Variants in BABAM1 observed in about 807,000 individuals in gnomAD.
BABAM1 encodes the protein BRISC and BRCA1 A complex member 1, also known as BRISC and BRCA1-A complex member 1.
BABAM1 carries 14 observed loss-of-function variants against 34.4 expected under a neutral mutation model. The ratio of observed to expected loss-of-function variants is 0.41; its 90% CI spans 0.27 to 0.64. The LOEUF is 0.64. BABAM1 is among the 30% of genes least tolerant of loss of function. The pLI is 0.34. For synonymous variants in BABAM1, 169 were observed against 165.8 expected, an observed-to-expected ratio of 1.02 and a Z score of -0.15; for missense variants, 393 against 434.0, an observed-to-expected ratio of 0.91 and a Z score of 0.84.
intron 5 of BABAM1, among the ~76,000 whole-genome samples, chr19:17,275,295 TATA>T (rs965180705): frequency 7.6e-6 from 1 of 132,172 alleles, no homozygotes; most frequent in African/African-American, 2.5e-5. Flanking sequence ...TATTTATTAT[TATA>T]TTTTTTTTTG....
In BABAM1 at chr19:17,271,462, A is replaced by G. The variant is rs2073840049; in HGVS notation, c.286-135A>G. On this transcript the variant is annotated intron_variant, in intron 2 of 8. Transcript: ENST00000598188. ...ATTCTTCTAAGCCATTGCTTTTCAA[A>G]GTAGATGGCTTGGCTGAGGATTAGA... 5 of 903,270 alleles carry G rather than the reference A, an allele frequency of 5.5e-6. No individual in the cohort carries two copies. The Admixed American group carries it at 8.0e-5, about 14-fold the overall frequency. 56.0% of individuals were successfully genotyped at this position (903,270 alleles called of 1,614,324 possible).
At chr19:17,278,301 C>T (rs1401543312) in intron 8 of BABAM1, among the ~76,000 whole-genome samples, 2 of 151,702 alleles carry the variant, frequency 1.3e-5, no homozygotes. Flanking sequence ...TGTGTGCCTC[C>T]ACACTGGGGA....
At chr19:17,278,327 G>A (rs1264325266) in intron 8 of BABAM1, among the ~76,000 whole-genome samples, 1 of 140,018 alleles carries the variant, frequency 7.1e-6, no homozygotes, top group South Asian at 2.2e-4. Flanking sequence ...TTTTTTTTTT[G>A]AGGCGGAGTC....
At chr19:17,272,999 C>T (rs1018308343) in intron 3 of BABAM1, among the ~76,000 whole-genome samples, 1 of 152,010 alleles carries the variant, frequency 6.6e-6, no homozygotes, top group Non-Finnish European at 1.5e-5. Context: ...GCCTGGGCAA[C>T]AAGAACGAAA....
intron 8 of BABAM1, 147 bp from the exon 9 acceptor site, chr19:17,278,698 A>G: frequency 1.4e-6 from 1 of 718,910 alleles, no homozygotes; most frequent in Non-Finnish European, 2.3e-6. Context: ...TGAATGTGTG[A>G]ATGGTTTCTG....
intron 1 of BABAM1, among the ~76,000 whole-genome samples, chr19:17,267,837 G>T (rs566541691): frequency 1.3e-5 from 2 of 152,310 alleles, no homozygotes; most frequent in South Asian, 2.1e-4. Flanking sequence ...GCAGACACCC[G>T]CTAGGGACGA....
rs529889239 is a variant in BABAM1, at chr19:17,279,127, G to A, written c.*79G>A. 691 of 1,457,908 alleles carry A rather than the reference G, an allele frequency of 4.7e-4. 3 individuals are homozygous for A. Among genetic ancestry groups the A allele is most frequent in the Middle Eastern group, 4.1e-3 (23 of 5,664 alleles). The allele number at this position is 1,457,908 out of a possible 1,614,324, so 90.3% of individuals were successfully genotyped here. A position where few individuals can be genotyped will look rare whatever the true frequency, so the allele number is the denominator to read the frequency against. ...CTTGGTTCTCAAACTGGGTTCCTTG[G>A]GACCTCCGGGGTGGGGGGGTTCCAG... On this transcript the variant is annotated 3_prime_UTR_variant, in exon 9 of 9. Transcript: ENST00000598188.
chr19:17,269,272 C>T (rs1180616361), intron 2 of BABAM1, among the ~76,000 whole-genome samples, 181 bp downstream of exon 2: 2 of 151,826 alleles, frequency 1.3e-5, no homozygotes, highest in African/African-American at 4.8e-5. Context: ...GGCCAGAAGT[C>T]AGGTGTCGCC....
chr19:17,277,057 C>T (rs988168276), intron 8 of BABAM1, 148 bp downstream of exon 8: 14 of 726,286 alleles, frequency 1.9e-5, no homozygotes, highest in African/African-American at 1.6e-4. Flanking sequence ...ATTGAACAGC[C>T]GTTTCCCAGT....
At chr19:17,278,598 C>T (rs543962135) in intron 8 of BABAM1, among the ~76,000 whole-genome samples, 5 of 152,286 alleles carry the variant, frequency 3.3e-5, no homozygotes, top group South Asian at 2.1e-4. Flanking sequence ...CGTGAGCCAC[C>T]GCGCCCGGCC....
chr19:17,278,604 C>T (rs564374270), intron 8 of BABAM1, among the ~76,000 whole-genome samples: 18 of 151,824 alleles, frequency 1.2e-4, no homozygotes, highest in Non-Finnish European at 1.9e-4. Flanking sequence ...CCACCGCGCC[C>T]GGCCCACACT....
intron 2 of BABAM1, among the ~76,000 whole-genome samples, chr19:17,269,340 TTGTC>T (rs1470099319): frequency 1.3e-5 from 2 of 150,022 alleles, no homozygotes; most frequent in South Asian, 2.1e-4. Context: ...CCTCTTCATT[TTGTC>T]TGTCTTTTTT....
At chr19:17,267,825 A>T (rs990605263) in intron 1 of BABAM1, among the ~76,000 whole-genome samples, 1 of 152,172 alleles carries the variant, frequency 6.6e-6, no homozygotes, top group African/African-American at 2.4e-5. Flanking sequence ...CTTCTCCCTC[A>T]TGCAGACACC....
chr19:17,278,194 A>T (rs1329865305), intron 8 of BABAM1, among the ~76,000 whole-genome samples: 1 of 152,142 alleles, frequency 6.6e-6, no homozygotes, highest in Non-Finnish European at 1.5e-5. Flanking sequence ...TTAAAAAAAT[A>T]AAATAAGTAA....
At chr19:17,273,031 A>C (rs1022098725) in intron 3 of BABAM1, among the ~76,000 whole-genome samples, 5 of 152,168 alleles carry the variant, frequency 3.3e-5, no homozygotes, top group Non-Finnish European at 7.3e-5. Flanking sequence ...AAAAAGTAAA[A>C]TAAAATAAAA....
At position 17,275,840 on chromosome 19, in the gene BABAM1, G is replaced by A. The variant is rs867902969; in HGVS notation, c.569+15G>A. On this transcript the variant is annotated intron_variant, in intron 6 of 8. Transcript: ENST00000598188. ...TTCAGCCTCATGTAAGTCCCCTGTG[G>A]GGAAATTCTTATTCACCTTCAAAGA... is the stretch of plus-strand genomic sequence containing the variant. 7 of 1,612,168 alleles carry A rather than the reference G, an allele frequency of 4.3e-6. No homozygotes were observed. The African/African-American group carries it at 8.0e-5, about 18-fold the overall frequency.
chr19:17,273,564 GTTTT>G (rs754203595), intron 3 of BABAM1, among the ~76,000 whole-genome samples: 2 of 45,940 alleles, frequency 4.4e-5, no homozygotes, highest in Admixed American at 5.0e-4. Context: ...TGTTTGTTTT[GTTTT>G]TTTTTTTTTT....
At chr19:17,271,864 G>C (rs2073844925) in intron 3 of BABAM1, among the ~76,000 whole-genome samples, 1 of 152,082 alleles carries the variant, frequency 6.6e-6, no homozygotes, top group South Asian at 2.1e-4. Context: ...CTTGAGGCTA[G>C]GGGTTCGAGA....
Position 17,269,110 on chromosome 19 carries a change from C to A in BABAM1, c.285+19C>A, listed in dbSNP as rs771987812. The A allele has an allele frequency of 1.3e-6, 2 of 1,572,276 alleles. No individual in the cohort carries two copies. Among genetic ancestry groups the A allele is most frequent in the East Asian group, 4.5e-5 (2 of 44,220 alleles). ...GAAAGTGGTAAGTAGAGGGGGTGGC[C>A]TGGGGCTCTGAGATGCTAGGGAACC... On this transcript the variant is annotated intron_variant, in intron 2 of 8. Coordinates refer to ENST00000598188, the MANE Select transcript of BABAM1 (RefSeq NM_014173.4).
Sources: allele counts gnomAD v4.1 joint callset (sites outside exome capture counted in the v4.1 genomes callset), GRCh38; gene constraint gnomAD v4.1.1; transcripts MANE v1.5; gene names NCBI Gene and HGNC (gene_info 2026-07-23, HGNC 2026-07-21).